Variants in MST1R observed in about 807,000 individuals in gnomAD.
MST1R encodes the protein macrophage-stimulating protein receptor.
MST1R carries 99 observed loss-of-function variants against 117.8 expected under a neutral mutation model. The observed-to-expected ratio is 0.84, with a 90% confidence interval of 0.71 to 0.99. MST1R has a LOEUF of 0.99. MST1R is among the 50% of genes least tolerant of loss of function. MST1R has a pLI of 0.00. For synonymous variants in MST1R, 734 were observed against 765.3 expected, an observed-to-expected ratio of 0.96 and a Z score of 0.68; for missense variants, 1,683 against 1,840.2, an observed-to-expected ratio of 0.91 and a Z score of 1.56.
intron 17 of MST1R, 66 bp from the exon 18 acceptor site, chr3:49,890,716 A>G (rs1575424044): frequency 2.0e-6 from 3 of 1,463,590 alleles, no homozygotes; most frequent in Non-Finnish European, 2.8e-6. Flanking sequence ...CACCTGTTCT[A>G]GGCCCTTACA....
In MST1R at chr3:49,898,127, C is replaced by G. The variant is rs770941584; in HGVS notation, c.1804G>C (p.Val602Leu). 9.3e-6 allele frequency: 15 copies of G among 1,614,044 alleles called. No individual in the cohort carries two copies. In the South Asian group the frequency reaches 1.4e-4, roughly 15 times the overall value. Residue 602 changes from valine (V) to leucine (L), a missense_variant, in exon 5 of 20, where the codon GTG (valine) becomes CTG (leucine). Coordinates refer to ENST00000296474, the MANE Select transcript of MST1R (RefSeq NM_002447.4). ...GTGACCTGATGGGTTCCCTCAGGCA[C>G]CAGACCAGAAGGGTGAAGGTAGAAG... ...SNFYLHPSGL[V>L]PEGTHQVTVG... is the part of the protein sequence containing the mutation.
intron 4 of MST1R, 108 bp downstream of exon 4, chr3:49,898,410 T>A: frequency 6.9e-7 from 1 of 1,448,620 alleles, no homozygotes; most frequent in Non-Finnish European, 9.4e-7. Flanking sequence ...CTTGTAGATA[T>A]GAAGGACACC....
chr3:49,896,092 C>T lies in MST1R; in HGVS notation c.2665G>A (p.Ala889Thr), dbSNP rs923422767. ...AIKFEYIGLG[A>T]VADCVGINVT... The stretch of plus-strand genomic sequence containing the variant: ...TTGATACCCACACAGTCAGCCACAG[C>T]GCCCAGCCCAATATACTGCAGAGAG... The change falls in exon 11 of 20, where the codon GCT (alanine) becomes ACT (threonine). Residue 889 changes from alanine to threonine, a missense_variant. Coordinates refer to ENST00000296474, the MANE Select transcript of MST1R (RefSeq NM_002447.4). 6 of 1,611,986 alleles carry T rather than the reference C, an allele frequency of 3.7e-6. No homozygotes were observed. The highest frequency in any genetic ancestry group is 5.1e-6 in the Non-Finnish European group (6 of 1,178,632).
intron 9 of MST1R, 36 bp downstream of exon 9, chr3:49,896,504 T>A: frequency 6.2e-7 from 1 of 1,612,236 alleles, no homozygotes; most frequent in South Asian, 1.1e-5. Context: ...AGGGAACTCA[T>A]CCAGCCTTCC....
At chr3:49,895,624 C>A (rs899439955) in intron 12 of MST1R, 76 bp from the exon 13 acceptor site, 15 of 1,605,034 alleles carry the variant, frequency 9.3e-6, no homozygotes, top group African/African-American at 1.3e-5. Flanking sequence ...GACTTAGATC[C>A]CTAAGTCCTG....
chr3:49,887,947 A>G (rs1239125703), intron 19 of MST1R, among the ~76,000 whole-genome samples: 1 of 152,254 alleles, frequency 6.6e-6, no homozygotes, highest in East Asian at 1.9e-4. Flanking sequence ...TACAATGGTC[A>G]TCATCACAGT....
rs2082435407 is a variant in MST1R at position 49,895,450 on chromosome 3, G to A, written c.3061C>T (p.Leu1021Phe). The stretch of plus-strand genomic sequence containing the variant: ...TCTCATGCCTCCACTATCTCACCAA[G>A]GCCACTTCTGTAGTCAGAGCCCGAG... ...LYSGSDYRSG[L>F]ALPAIDGLDS... The change falls in exon 13 of 20, where the codon CTT (leucine) becomes TTT (phenylalanine). Residue 1021 changes from leucine to phenylalanine, a missense_variant. Physicochemically the swap from Leu to Phe is conservative, Grantham distance 22. Transcript: ENST00000296474. 6.2e-7 allele frequency: 1 copy of A among 1,614,130 alleles called. No homozygotes were observed. The highest frequency in any genetic ancestry group is 8.5e-7 in the Non-Finnish European group (1 of 1,180,010).
chr3:49,894,011 C>G (rs1350237102), intron 14 of MST1R, among the ~76,000 whole-genome samples: 1 of 149,830 alleles, frequency 6.7e-6, no homozygotes, highest in African/African-American at 2.5e-5. Flanking sequence ...GTCAGGAGTT[C>G]GAGACCGGCC....
Position 49,889,375 on chromosome 3 carries a change from C to T in MST1R, c.3947+549G>A, listed in dbSNP as rs183257509. 1.2e-4 allele frequency among the ~76,000 whole-genome samples: 19 copies of T among 152,284 alleles called. No homozygotes were observed. The East Asian group carries it at 2.3e-3, about 19-fold the overall frequency. ...GACAGGAGGCGTTAACTACTTTTAC[C>T]TATGTCCTGGTTCTCTCTGTTCTAA... On this transcript the variant is annotated intron_variant, in intron 19 of 19. Coordinates refer to ENST00000296474, the MANE Select transcript of MST1R (RefSeq NM_002447.4).
intron 17 of MST1R, among the ~76,000 whole-genome samples, chr3:49,890,927 C>T (rs1295052805): frequency 6.6e-6 from 1 of 152,160 alleles, no homozygotes; most frequent in African/African-American, 2.4e-5. Flanking sequence ...GGGGTTTCAC[C>T]GTGTTAGCCA....
intron 18 of MST1R, 91 bp downstream of exon 18, chr3:49,890,394 C>T (rs1423822841): frequency 1.3e-4 from 182 of 1,415,200 alleles, no homozygotes; most frequent in Non-Finnish European, 9.4e-5. Flanking sequence ...CTGGGGACTC[C>T]CTGGGCTCAG....
chr3:49,890,029 A>G lies in MST1R; in HGVS notation c.3842T>C (p.Leu1281Pro). ...WSFGVLLWEL[L>P]TRGAPPYRHI... is the part of the protein sequence containing the mutation. The stretch of plus-strand genomic sequence containing the variant: ...GCGGTATGGTGGGGCACCCCGTGTC[A>G]GCAGTTCCCACAGCAGCACACCAAA... The change falls in exon 19 of 20, where the codon CTG (leucine) becomes CCG (proline). Residue 1281 changes from leucine to proline, a missense_variant. Transcript: ENST00000296474. 1.2e-6 allele frequency: 2 copies of G among 1,612,374 alleles called. No individual in the cohort carries two copies. The highest frequency in any genetic ancestry group is 1.7e-6 in the Non-Finnish European group (2 of 1,179,078).
intron 1 of MST1R, 115 bp from the exon 2 acceptor site, chr3:49,899,378 T>A: frequency 8.8e-7 from 1 of 1,141,508 alleles, no homozygotes; most frequent in Non-Finnish European, 1.3e-6. Context: ...CTGGCCTGAC[T>A]GGAGAAGGCC....
chr3:49,890,382 C>T (rs1346028589), intron 18 of MST1R, 103 bp downstream of exon 18: 2 of 1,311,200 alleles, frequency 1.5e-6, no homozygotes, highest in African/African-American at 1.5e-5. Context: ...GGGTCATCTA[C>T]CCTGGGGACT....
chr3:49,890,500 G>A lies in MST1R; in HGVS notation c.3795C>T (p.Thr1265=). ...GGGGCCTCACCACATCAGACTTGGTGGTAAATCTATAGGTCTGCAGGCTCT... is the reference window on the plus strand; with the variant it reads ...GGGGCCTCACCACATCAGACTTGGTAGTAAATCTATAGGTCTGCAGGCTCT... ...ALESLQTYRF[T]TKSDVWSFGV... is the part of the protein sequence containing the mutation. The change falls in exon 18 of 20, where the codon ACC becomes ACT. Residue 1265 remains threonine, a synonymous_variant. Coordinates refer to ENST00000296474, the MANE Select transcript of MST1R (RefSeq NM_002447.4). 1 of 1,613,446 alleles carries A rather than the reference G, an allele frequency of 6.2e-7. No individual in the cohort carries two copies. The highest frequency in any genetic ancestry group is 8.5e-7 in the Non-Finnish European group (1 of 1,179,602).
rs2082479991 is a variant in MST1R at position 49,896,581 on chromosome 3, C to G, written c.2398G>C (p.Val800Leu). The G allele has an allele frequency of 2.5e-6, 4 of 1,614,094 alleles. No homozygotes were observed. The highest frequency in any genetic ancestry group is 3.4e-6 in the Non-Finnish European group (4 of 1,180,044). Reference sequence around the variant, plus strand: ...CTAAGCCCGTCATGGAATGACAGCACTAAGTGCCATGCTGAAGTTAGATGC... The same window carrying G: ...CTAAGCCCGTCATGGAATGACAGCAGTAAGTGCCATGCTGAAGTTAGATGC... ...GQHLTSAWHL[V>L]LSFHDGLRAV... The change falls in exon 9 of 20, where the codon GTG becomes CTG. Residue 800 changes from valine to leucine, a missense_variant. By Grantham distance (32) the Val-to-Leu change is conservative (BLOSUM62 1). Transcript: ENST00000296474.
intron 7 of MST1R, 145 bp from the exon 8 acceptor site, chr3:49,897,035 C>T (rs2082500536): frequency 8.3e-7 from 1 of 1,199,080 alleles, no homozygotes; most frequent in Admixed American, 3.0e-5. Flanking sequence ...ATAAGGTGGT[C>T]CCAGGAAGAC....
chr3:49,889,861 C>T (rs2082262292), intron 19 of MST1R, 63 bp downstream of exon 19: 1 of 1,598,838 alleles, frequency 6.3e-7, no homozygotes, highest in African/African-American at 1.3e-5. Context: ...GGAGCTCTGT[C>T]TCCTGTCTCT....
At chr3:49,898,403 G>A (rs2082554423) in intron 4 of MST1R, 115 bp downstream of exon 4, 1 of 1,416,684 alleles carries the variant, frequency 7.1e-7, no homozygotes, top group African/African-American at 1.4e-5. Flanking sequence ...TGCCCTCCTT[G>A]TAGATATGAA....
Sources: gnomAD v4.1 joint callset for allele counts (sites outside exome capture counted in the v4.1 genomes callset) on GRCh38, gnomAD v4.1.1 for gene constraint, MANE v1.5 for transcripts, NCBI Gene and HGNC (gene_info 2026-07-23, HGNC 2026-07-21) for gene names.